Variants in TMEM132D observed in about 807,000 individuals in gnomAD.
TMEM132D encodes transmembrane protein 132D.
In TMEM132D, 21 loss-of-function variants were observed where a neutral mutation model predicts 62.3. The observed-to-expected ratio is 0.34, with a 90% CI of 0.24 to 0.49. The LOEUF is 0.49. TMEM132D is among the 20% of genes least tolerant of loss of function. The pLI, the probability that TMEM132D is intolerant of heterozygous loss-of-function variation, is 0.99. For missense variants in TMEM132D, 1,346 were observed against 1,402.8 expected (o/e 0.96, Z 0.65); for synonymous variants, 621 against 575.6 (o/e 1.08, Z -1.13).
chr12:129,794,528 TAAAGA>T (rs960349019), intron 1 of TMEM132D, among the ~76,000 whole-genome samples: 3 of 152,204 alleles, frequency 2.0e-5, no homozygotes, highest in African/African-American at 7.2e-5. Context: ...AAGTTAACCT[TAAAGA>T]AAACACTTCT....
intron 2 of TMEM132D, among the ~76,000 whole-genome samples, chr12:129,618,371 A>G (rs912450498): frequency 1.3e-5 from 2 of 152,222 alleles, no homozygotes; most frequent in African/African-American, 4.8e-5. Context: ...TCAGAAAGCA[A>G]TTGGAACCCT....
chr12:129,127,957 G>A (rs527522055), intron 5 of TMEM132D, among the ~76,000 whole-genome samples: 18 of 152,328 alleles, frequency 1.2e-4, no homozygotes, highest in African/African-American at 4.3e-4. Context: ...TCACATGGGT[G>A]CCTGGGGGAA....
At chr12:129,553,480 G>T (rs1028216939) in intron 2 of TMEM132D, among the ~76,000 whole-genome samples, 3 of 152,222 alleles carry the variant, frequency 2.0e-5, no homozygotes, top group African/African-American at 7.2e-5. Context: ...GTACGTCTGT[G>T]CCTTCAGGCA....
intron 3 of TMEM132D, among the ~76,000 whole-genome samples, chr12:129,497,353 A>G (rs1874990134): frequency 6.6e-6 from 1 of 152,104 alleles, no homozygotes; most frequent in East Asian, 1.9e-4. Context: ...TGGTGCCTGT[A>G]TTCCTCTGAA....
At chr12:129,124,202 C>T (rs1876147105) in intron 5 of TMEM132D, among the ~76,000 whole-genome samples, 1 of 152,142 alleles carries the variant, frequency 6.6e-6, no homozygotes, top group African/African-American at 2.4e-5. Context: ...CTCTCTTTCT[C>T]CACTTCTGCC....
chr12:129,503,362 G>A (rs1875214729), intron 3 of TMEM132D, among the ~76,000 whole-genome samples: 1 of 152,140 alleles, frequency 6.6e-6, no homozygotes, highest in African/African-American at 2.4e-5. Flanking sequence ...AAAGCAGGCA[G>A]GAAAAACAAG....
intron 1 of TMEM132D, among the ~76,000 whole-genome samples, chr12:129,863,725 A>G (rs901330636): frequency 1.3e-5 from 2 of 152,110 alleles, no homozygotes; most frequent in Non-Finnish European, 2.9e-5. Flanking sequence ...TATCCCCACG[A>G]TATTTTAATA....
chr12:129,758,379 A>T (rs568582543), intron 1 of TMEM132D, among the ~76,000 whole-genome samples: 1 of 152,250 alleles, frequency 6.6e-6, no homozygotes, highest in Non-Finnish European at 1.5e-5. Context: ...ATGCTCTCTT[A>T]TCCGGATTAT....
At chr12:129,382,018 C>T (rs1036990257) in intron 3 of TMEM132D, among the ~76,000 whole-genome samples, 1 of 152,218 alleles carries the variant, frequency 6.6e-6, no homozygotes, top group African/African-American at 2.4e-5. Context: ...AATTGTAGAT[C>T]ATCAATTCTC....
chr12:129,236,925 T>C (rs1879802471), intron 4 of TMEM132D, among the ~76,000 whole-genome samples: 2 of 152,220 alleles, frequency 1.3e-5, no homozygotes, highest in Non-Finnish European at 2.9e-5. Context: ...GATAAGAGTT[T>C]TTATCACAAA....
intron 4 of TMEM132D, among the ~76,000 whole-genome samples, chr12:129,314,170 T>C (rs986343420): frequency 4.6e-5 from 7 of 152,182 alleles, no homozygotes; most frequent in Admixed American, 1.3e-4. Context: ...TTTTGGATTC[T>C]TAGTCATGAA....
chr12:129,578,432 A>G (rs372256841), intron 2 of TMEM132D, among the ~76,000 whole-genome samples: 31 of 36,750 alleles, frequency 8.4e-4, no homozygotes, highest in Admixed American at 4.6e-3. Flanking sequence ...GTGTATATAT[A>G]TATATGTATG....
At chr12:129,223,339 C>T (rs1340300248) in intron 4 of TMEM132D, among the ~76,000 whole-genome samples, 1 of 152,132 alleles carries the variant, frequency 6.6e-6, no homozygotes, top group Non-Finnish European at 1.5e-5. Flanking sequence ...GGGGCACTTG[C>T]TCTTGGAACT....
intron 4 of TMEM132D, among the ~76,000 whole-genome samples, chr12:129,276,032 G>GGTTT (rs72253809): frequency 0.18 from 27,854 of 151,176 alleles, 2,859 homozygotes; most frequent in East Asian, 0.29. Context: ...TGGATGCACA[G>GGTTT]GTTTGTTTGT....
At chr12:129,200,861 C>A (rs1033783239) in intron 5 of TMEM132D, among the ~76,000 whole-genome samples, 4 of 152,194 alleles carry the variant, frequency 2.6e-5, no homozygotes, top group Non-Finnish European at 4.4e-5. Context: ...CTCTTCCTCC[C>A]AGTTGTTTAC....
chr12:129,508,139 A>G (rs941193848), intron 3 of TMEM132D, among the ~76,000 whole-genome samples: 1 of 152,200 alleles, frequency 6.6e-6, no homozygotes, highest in Non-Finnish European at 1.5e-5. Flanking sequence ...TGGGCAAAAC[A>G]TGTTGAACAG....
intron 2 of TMEM132D, among the ~76,000 whole-genome samples, chr12:129,583,187 A>G (rs1206037698): frequency 6.6e-6 from 1 of 152,222 alleles, no homozygotes; most frequent in Non-Finnish European, 1.5e-5. Context: ...CATATGAAAC[A>G]TTTAGAATAA....
At chr12:129,679,532 A>G (rs1319213195) in intron 2 of TMEM132D, among the ~76,000 whole-genome samples, 5 of 151,988 alleles carry the variant, frequency 3.3e-5, no homozygotes, top group African/African-American at 1.2e-4. Context: ...CATCTCTGTT[A>G]TTTGTGTCTG....
intron 1 of TMEM132D, among the ~76,000 whole-genome samples, chr12:129,760,291 G>A (rs1565976259): frequency 1.4e-5 from 2 of 148,012 alleles, no homozygotes; most frequent in Non-Finnish European, 3.0e-5. Flanking sequence ...TTAAGTCTTA[G>A]TGCAACAGAC....
Sources: allele counts gnomAD v4.1 joint callset (sites outside exome capture counted in the v4.1 genomes callset), GRCh38; gene constraint gnomAD v4.1.1; transcripts MANE v1.5; gene names NCBI Gene and HGNC (gene_info 2026-07-23, HGNC 2026-07-21).